Variants in PIEZO2 observed in about 807,000 individuals in gnomAD.
PIEZO2 encodes piezo type mechanosensitive ion channel component 2.
PIEZO2 carries 172 observed loss-of-function variants against 337.3 expected under a neutral mutation model. The observed-to-expected ratio is 0.51, with a 90% CI of 0.45 to 0.58. PIEZO2 has a LOEUF of 0.58. PIEZO2 is among the 20% of genes least tolerant of loss of function. The pLI is 0.00. For missense variants in PIEZO2, 3,028 were observed against 3,391.3 expected (o/e 0.89, Z 2.66); for synonymous variants, 1,251 against 1,228.5 (o/e 1.02, Z -0.38).
At position 10,773,710 on chromosome 18, in the gene PIEZO2, A is replaced by G. The variant is rs1238636448; in HGVS notation, c.2568-81T>C. On this transcript the variant is annotated intron_variant, in intron 19 of 55. Coordinates refer to ENST00000674853, the MANE Select transcript of PIEZO2 (RefSeq NM_001378183.1). This position sits in a 1 kb window ranked among gnomAD's most constrained non-coding sequence, Gnocchi z 5.3. ...CTGAGGGGCAAGTAAAAGGAGGATA[A>G]ACACAAATGAAATCAGTGCATGTAC... 1 of 1,318,568 alleles carries G rather than the reference A, an allele frequency of 7.6e-7. No individual in the cohort carries two copies. The highest frequency in any genetic ancestry group is 2.5e-5 in the East Asian group (1 of 39,824). 81.7% of individuals were successfully genotyped at this position (1,318,568 alleles called of 1,614,324 possible). A position where few individuals can be genotyped will look rare whatever the true frequency, so the allele number is the denominator to read the frequency against.
chr18:10,843,716 G>T (rs1044169841), intron 7 of PIEZO2, among the ~76,000 whole-genome samples: 10 of 152,296 alleles, frequency 6.6e-5, no homozygotes, highest in Middle Eastern at 3.4e-3. Flanking sequence ...AGACACAAAG[G>T]TCAATGAGAT....
chr18:11,049,930 T>C (rs970360347), intron 2 of PIEZO2, among the ~76,000 whole-genome samples: 1 of 152,330 alleles, frequency 6.6e-6, no homozygotes, highest in African/African-American at 2.4e-5. Flanking sequence ...ATAACACTTA[T>C]TGTAGCCAAA....
Position 10,748,467 on chromosome 18 carries a change from C to T in PIEZO2, c.4424+4G>A. On this transcript the variant is annotated splice_donor_region_variant and intron_variant, in intron 30 of 55. Coordinates refer to ENST00000674853, the MANE Select transcript of PIEZO2 (RefSeq NM_001378183.1). The surrounding 1 kb of genome is among the most constrained non-coding windows in gnomAD (Gnocchi z 5.1). ...AAACCACCTGATTTCATGGCCTGAC[C>T]CACCTTGATGCCAGAATCTGGGAAG... is the stretch of plus-strand genomic sequence containing the variant. 1 of 1,536,800 alleles carries T rather than the reference C, an allele frequency of 6.5e-7. No homozygotes were observed. Among genetic ancestry groups the T allele is most frequent in the Middle Eastern group, 1.7e-4 (1 of 5,990 alleles).
intron 4 of PIEZO2, among the ~76,000 whole-genome samples, chr18:10,884,959 G>C (rs2042532538): frequency 1.3e-5 from 2 of 152,040 alleles, no homozygotes; most frequent in South Asian, 2.1e-4. Context: ...ACAAATATGT[G>C]TGAGCGTCTA....
rs931636412 is a variant in PIEZO2 at position 11,094,244 on chromosome 18, G to A, written c.65-28022C>T. Among the ~76,000 whole-genome samples, 7 of 152,108 alleles carry A rather than the reference G, an allele frequency of 4.6e-5. No homozygotes were observed. Among genetic ancestry groups the A allele is most frequent in the African/African-American group, 1.4e-4 (6 of 41,420 alleles). ...AGCTCCTTTATGTTCCAGCTTGAACGTATGTATGGTAGGTTAATCCTCCCA... is the reference window on the plus strand; with the variant it reads ...AGCTCCTTTATGTTCCAGCTTGAACATATGTATGGTAGGTTAATCCTCCCA... On this transcript the variant is annotated intron_variant, in intron 1 of 55. Transcript: ENST00000674853. The surrounding 1 kb of genome is among the most constrained non-coding windows in gnomAD (Gnocchi z 4.4).
chr18:10,745,590 C>T (rs757168219), intron 30 of PIEZO2, among the ~76,000 whole-genome samples: 4 of 152,168 alleles, frequency 2.6e-5, no homozygotes, highest in Non-Finnish European at 4.4e-5. Context: ...TGGAAAGAAT[C>T]TTCCTCAGGC....
At position 10,962,909 on chromosome 18, in the gene PIEZO2, C is replaced by T. The variant is rs140560101; in HGVS notation, c.286+16626G>A. ...ATATTCTGTCGTGAAATGCATACAC[C>T]TCTATCATCTCATAAACTTTAAAAG... On this transcript the variant is annotated intron_variant, in intron 3 of 55. Coordinates refer to ENST00000674853, the MANE Select transcript of PIEZO2 (RefSeq NM_001378183.1). This position sits in a 1 kb window ranked among gnomAD's most constrained non-coding sequence, Gnocchi z 4.1. Among the ~76,000 whole-genome samples, 371 of 152,202 alleles carry T rather than the reference C, an allele frequency of 2.4e-3. 5 individuals are homozygous for T. Among genetic ancestry groups the T allele is most frequent in the African/African-American group, 8.8e-3 (366 of 41,520 alleles).
intron 2 of PIEZO2, among the ~76,000 whole-genome samples, chr18:10,999,035 A>G (rs1189979155): frequency 6.6e-6 from 1 of 152,104 alleles, no homozygotes. Flanking sequence ...TAAATGTGGC[A>G]TGCAAATGTG....
intron 2 of PIEZO2, among the ~76,000 whole-genome samples, chr18:11,065,708 G>A (rs986564479): frequency 7.2e-5 from 11 of 152,170 alleles, no homozygotes; most frequent in African/African-American, 1.9e-4. Flanking sequence ...CCATTCTCCT[G>A]TAAATGGCTC....
At chr18:10,857,275 T>C (rs1008110627) in intron 5 of PIEZO2, 64 bp from the exon 6 acceptor site, 29 of 1,373,890 alleles carry the variant, frequency 2.1e-5, no homozygotes, top group Admixed American at 1.6e-4. Flanking sequence ...CAGCAGATTA[T>C]AGAGCTTCTA....
intron 2 of PIEZO2, among the ~76,000 whole-genome samples, chr18:11,061,405 G>C (rs1321291506): frequency 2.0e-5 from 3 of 150,620 alleles, no homozygotes; most frequent in Non-Finnish European, 4.4e-5. Context: ...GTTCTGGCCA[G>C]GGCAATCAGG....
chr18:10,682,178 A>C lies in PIEZO2; in HGVS notation c.7612T>G (p.Leu2538Val). Residue 2538 changes from leucine (L) to valine (V), a missense_variant, in exon 50 of 56, where the codon TTG (leucine) becomes GTG (valine). Coordinates refer to ENST00000674853, the MANE Select transcript of PIEZO2 (RefSeq NM_001378183.1). The surrounding 1 kb of genome is among the most constrained non-coding windows in gnomAD (Gnocchi z 5.6). ...IVWFPLLFMS[L>V]IKSVAGVINQ... ...ATGACCCCAGCCACAGATTTGATCAAAGACATGAAGAGAAGAGGAAACCAG... is the reference window on the plus strand; with the variant it reads ...ATGACCCCAGCCACAGATTTGATCACAGACATGAAGAGAAGAGGAAACCAG... 1 of 1,537,210 alleles carries C rather than the reference A, an allele frequency of 6.5e-7. No individual in the cohort carries two copies. Among genetic ancestry groups the C allele is most frequent in the Non-Finnish European group, 8.7e-7 (1 of 1,146,908 alleles).
intron 3 of PIEZO2, among the ~76,000 whole-genome samples, chr18:10,958,116 A>G (rs1012265288): frequency 1.3e-5 from 2 of 152,200 alleles, no homozygotes; most frequent in East Asian, 3.8e-4. Context: ...GCTCCTCAAA[A>G]CCTGAAAAGT....
In PIEZO2 at chr18:10,726,370, C is replaced by G; in HGVS notation, c.5029+5037G>C. On this transcript the variant is annotated intron_variant, in intron 36 of 55. Coordinates refer to ENST00000674853, the MANE Select transcript of PIEZO2 (RefSeq NM_001378183.1). The surrounding 1 kb of genome is among the most constrained non-coding windows in gnomAD (Gnocchi z 5.9). The stretch of plus-strand genomic sequence containing the variant: ...CCTCCCTTCGCCTTCCCCGCAGGCA[C>G]CCACTACCTGCGGGGCGGTAACAAC... The G allele has an allele frequency of 6.6e-7, 1 of 1,516,000 alleles. No homozygotes were observed. Among genetic ancestry groups the G allele is most frequent in the Non-Finnish European group, 8.8e-7 (1 of 1,138,118 alleles). 93.9% of individuals were successfully genotyped at this position (1,516,000 alleles called of 1,614,324 possible). A position where few individuals can be genotyped will look rare whatever the true frequency, so the allele number is the denominator to read the frequency against.
chr18:10,976,537 T>G (rs1440502649), intron 3 of PIEZO2, among the ~76,000 whole-genome samples: 1 of 152,178 alleles, frequency 6.6e-6, no homozygotes, highest in Non-Finnish European at 1.5e-5. Flanking sequence ...AAACTTCAAA[T>G]TGGAATTTAA....
intron 1 of PIEZO2, among the ~76,000 whole-genome samples, chr18:11,122,935 A>G (rs2040069810): frequency 6.6e-6 from 1 of 150,668 alleles, no homozygotes; most frequent in South Asian, 2.1e-4. Context: ...TATATGTTAT[A>G]TATAAGTTAT....
intron 36 of PIEZO2, among the ~76,000 whole-genome samples, chr18:10,730,362 C>T (rs1428486848): frequency 6.6e-6 from 1 of 152,210 alleles, no homozygotes; most frequent in Non-Finnish European, 1.5e-5. Context: ...TGAGACTGAG[C>T]ACCTTTTGGT....
chr18:10,758,384 A>G (rs539672073), intron 26 of PIEZO2, among the ~76,000 whole-genome samples: 4 of 152,160 alleles, frequency 2.6e-5, no homozygotes, highest in Non-Finnish European at 5.9e-5. Flanking sequence ...TTGTTTGCAC[A>G]TCGGTGAGAG....
At chr18:10,989,160 G>C (rs957051893) in intron 2 of PIEZO2, among the ~76,000 whole-genome samples, 2 of 152,140 alleles carry the variant, frequency 1.3e-5, no homozygotes, top group South Asian at 2.1e-4. Flanking sequence ...ATATGTTTAT[G>C]GCTTTGATGG....
Sources: allele counts gnomAD v4.1 joint callset (sites outside exome capture counted in the v4.1 genomes callset), GRCh38; gene constraint gnomAD v4.1.1; non-coding constraint Gnocchi (gnomAD v3.1); transcripts MANE v1.5; gene names NCBI Gene and HGNC (gene_info 2026-07-23, HGNC 2026-07-21).